The following PTPRB variants were observed in gnomAD, a reference collection of about 807,000 sequenced individuals.
PTPRB encodes protein tyrosine phosphatase receptor type B.
Under a neutral mutation model 238.1 loss-of-function variants are expected in PTPRB, and 97 were observed. The ratio of observed to expected loss-of-function variants is 0.41; its 90% CI spans 0.35 to 0.48. PTPRB has a LOEUF of 0.48. PTPRB is among the 20% of genes least tolerant of loss of function. The pLI, the probability that PTPRB is intolerant of heterozygous loss-of-function variation, is 0.30. For synonymous variants in PTPRB, 970 were observed against 995.4 expected (o/e 0.97, Z 0.48); for missense variants, 2,292 against 2,681.9 (o/e 0.85, Z 3.21).
intron 27 of PTPRB, 159 bp from the exon 28 acceptor site, chr12:70,538,390 C>G: frequency 1.7e-6 from 1 of 592,698 alleles, no homozygotes; most frequent in Admixed American, 3.3e-5. Flanking sequence ...ACTAACTTGC[C>G]CCATGTTGCA....
chr12:70,612,285 C>G (rs754652018), intron 3 of PTPRB, among the ~76,000 whole-genome samples: 1 of 152,068 alleles, frequency 6.6e-6, no homozygotes, highest in Non-Finnish European at 1.5e-5. Context: ...TAACATTTTT[C>G]CTTTTAAAAG....
intron 6 of PTPRB, 77 bp downstream of exon 6, chr12:70,594,390 T>A: frequency 1.9e-6 from 3 of 1,540,956 alleles, no homozygotes; most frequent in Non-Finnish European, 2.7e-6. Flanking sequence ...TTACAGTTAT[T>A]CATATAATAA....
intron 3 of PTPRB, among the ~76,000 whole-genome samples, chr12:70,610,556 C>T (rs970290420): frequency 6.6e-6 from 1 of 152,084 alleles, no homozygotes; most frequent in Admixed American, 6.6e-5. Flanking sequence ...TATTAGAGAG[C>T]TTTTGCCCTT....
At position 70,580,825 on chromosome 12, in the gene PTPRB, A is replaced by G. The variant is rs1285298110; in HGVS notation, c.2578+211T>C. ...CAGAGCGAAATTCCGTCTCAAAAAAAAAAAAAAAAATCAGAATTTATTCTC... is the reference window on the plus strand; with the variant it reads ...CAGAGCGAAATTCCGTCTCAAAAAAGAAAAAAAAAATCAGAATTTATTCTC... On this transcript the variant is annotated intron_variant, in intron 10 of 33. Transcript: ENST00000334414. Among the ~76,000 whole-genome samples the G allele has an allele frequency of 2.6e-5, 4 of 152,106 alleles. No homozygotes were observed. The East Asian group carries it at 7.7e-4, about 29-fold the overall frequency.
intron 8 of PTPRB, among the ~76,000 whole-genome samples, chr12:70,589,569 C>T (rs1882269291): frequency 6.6e-6 from 1 of 152,102 alleles, no homozygotes; most frequent in Non-Finnish European, 1.5e-5. Context: ...CAAATATATC[C>T]CTCTCCACTT....
intron 4 of PTPRB, 84 bp from the exon 5 acceptor site, chr12:70,596,411 A>G (rs2136484680): frequency 1.6e-6 from 2 of 1,263,482 alleles, no homozygotes; most frequent in Non-Finnish European, 2.0e-6. Flanking sequence ...GACTTTTGCA[A>G]ATAACTGCTT....
intron 31 of PTPRB, among the ~76,000 whole-genome samples, chr12:70,532,442 T>A (rs1278284170): frequency 6.6e-6 from 1 of 152,086 alleles, no homozygotes; most frequent in Non-Finnish European, 1.5e-5. Flanking sequence ...ACGCATGTTT[T>A]TAATACTTTT....
intron 8 of PTPRB, among the ~76,000 whole-genome samples, chr12:70,588,909 T>C (rs1397101468): frequency 6.6e-6 from 1 of 152,144 alleles, no homozygotes; most frequent in Non-Finnish European, 1.5e-5. Flanking sequence ...GCCGAGATTG[T>C]ACCACTGCAC....
At chr12:70,575,861 C>T (rs1032677850) in intron 11 of PTPRB, among the ~76,000 whole-genome samples, 5 of 152,100 alleles carry the variant, frequency 3.3e-5, no homozygotes, top group African/African-American at 1.2e-4. Context: ...ACATTTTCAC[C>T]TTGTGTGAAA....
At chr12:70,550,868 G>T (rs1007905267) in intron 21 of PTPRB, among the ~76,000 whole-genome samples, 1 of 151,892 alleles carries the variant, frequency 6.6e-6, no homozygotes, top group South Asian at 2.1e-4. Flanking sequence ...GGTAACCAAG[G>T]AGCTGAGGAA....
chr12:70,521,488 C>G lies in PTPRB; in HGVS notation c.*1G>C, dbSNP rs776416924. ...TATCCAGGAGCTCTTCAGGTACATT[C>G]TCAATGCCTTGAATAGACTGGATCT... On this transcript the variant is annotated 3_prime_UTR_variant, in exon 34 of 34. Transcript: ENST00000334414. 1 of 1,542,982 alleles carries G rather than the reference C, an allele frequency of 6.5e-7. No homozygotes were observed. The highest frequency in any genetic ancestry group is 1.2e-5 in the South Asian group (1 of 80,848).
chr12:70,534,797 C>T (rs1258956487), intron 30 of PTPRB, 36 bp downstream of exon 30: 2 of 1,610,526 alleles, frequency 1.2e-6, no homozygotes, highest in Admixed American at 3.3e-5. Context: ...ATTCATCTCC[C>T]CAAGCTCGGT....
intron 27 of PTPRB, 50 bp downstream of exon 27, chr12:70,538,874 C>T (rs182227279): frequency 7.0e-7 from 1 of 1,437,064 alleles, no homozygotes; most frequent in African/African-American, 1.4e-5. Flanking sequence ...GAGAAAAATG[C>T]AGAAATGGCT....
At chr12:70,619,321 T>TG (rs371453782) in intron 3 of PTPRB, among the ~76,000 whole-genome samples, 8 of 151,358 alleles carry the variant, frequency 5.3e-5, no homozygotes, top group Admixed American at 1.3e-4. Context: ...ATGATAATGA[T>TG]AATGATAATG....
intron 26 of PTPRB, 142 bp from the exon 27 acceptor site, chr12:70,539,156 C>T (rs1874651144): frequency 1.2e-5 from 8 of 684,566 alleles, no homozygotes; most frequent in Admixed American, 7.3e-5. Context: ...CATGCATTAG[C>T]CCTGATCCCC....
intron 2 of PTPRB, among the ~76,000 whole-genome samples, chr12:70,625,686 G>A (rs1410835717): frequency 6.6e-6 from 1 of 152,046 alleles, no homozygotes; most frequent in Non-Finnish European, 1.5e-5. Context: ...ATGTTTCACA[G>A]TTCATGGAAT....
chr12:70,564,890 A>G (rs7315072), intron 15 of PTPRB, among the ~76,000 whole-genome samples: 76,156 of 147,558 alleles, frequency 0.52, 20,000 homozygotes, highest in East Asian at 0.63. Flanking sequence ...AATAATAATA[A>G]ATAGATAGAT....
At chr12:70,590,575 T>C (rs903578095) in intron 7 of PTPRB, among the ~76,000 whole-genome samples, 2 of 151,152 alleles carry the variant, frequency 1.3e-5, no homozygotes, top group Non-Finnish European at 2.9e-5. Context: ...ATTAATGTTC[T>C]TGCAAGATTA....
At chr12:70,522,869 T>A (rs933809094) in intron 33 of PTPRB, among the ~76,000 whole-genome samples, 12 of 146,642 alleles carry the variant, frequency 8.2e-5, no homozygotes, top group African/African-American at 3.0e-4. Flanking sequence ...TTTTCTTTTT[T>A]TTTTTTTTTT....
Sources: gnomAD v4.1 joint callset for allele counts (sites outside exome capture counted in the v4.1 genomes callset) on GRCh38, gnomAD v4.1.1 for gene constraint, MANE v1.5 for transcripts, NCBI Gene and HGNC (gene_info 2026-07-23, HGNC 2026-07-21) for gene names.